The following UBXN2A variants were observed in gnomAD, a reference collection of about 807,000 sequenced individuals.
UBXN2A encodes the protein UBX domain protein 2A, also known as UBX domain-containing protein 2A.
Under a neutral mutation model 28.4 loss-of-function variants are expected in UBXN2A, and 28 were observed. The observed-to-expected ratio is 0.99, with a 90% CI of 0.73 to 1.35. The LOEUF is 1.35. Among genes scored for constraint, UBXN2A ranks in the 40% most tolerant of loss-of-function variants. The pLI is 0.00. For missense variants in UBXN2A, 253 were observed against 297.9 expected, an observed-to-expected ratio of 0.85 and a Z score of 1.11; for synonymous variants, 97 against 103.6, an observed-to-expected ratio of 0.94 and a Z score of 0.39.
chr2:23,944,040 A>G (rs878904919), intron 1 of UBXN2A: 7 of 570,392 alleles, frequency 1.2e-5, no homozygotes, highest in African/African-American at 7.5e-5. Context: ...GTGTCTTCCT[A>G]TGTCGATGTC....
At chr2:23,952,968 T>G (rs928988264) in intron 1 of UBXN2A, among the ~76,000 whole-genome samples, 2 of 110 alleles carry the variant, frequency 0.018, no homozygotes, top group African/African-American at 0.031. Flanking sequence ...TCTTAGTTGT[T>G]TTTTTTTTTT....
chr2:23,971,296 A>G lies in UBXN2A; in HGVS notation c.62A>G (p.Asp21Gly). The change falls in exon 3 of 7, where the codon GAT (aspartate) becomes GGT (glycine). Residue 21 changes from aspartate to glycine, a missense_variant. Transcript: ENST00000309033. ...TTTAGGGTTTGTGAAACAGGATCTG[A>G]TAATCAACCTCTTGGTAATAATCAA... The part of the protein sequence containing the change: ...KEEWVCETGS[D>G]NQPLGNNQQS... 1 of 1,567,720 alleles carries G rather than the reference A, an allele frequency of 6.4e-7. No homozygotes were observed. Among genetic ancestry groups the G allele is most frequent in the Non-Finnish European group, 8.7e-7 (1 of 1,147,148 alleles).
chr2:23,969,250 C>A (rs1290640291), intron 2 of UBXN2A, among the ~76,000 whole-genome samples: 3 of 152,070 alleles, frequency 2.0e-5, no homozygotes, highest in Non-Finnish European at 4.4e-5. Context: ...TATTAAACTA[C>A]TATAGGCTGG....
At position 23,971,310 on chromosome 2, in the gene UBXN2A, G is replaced by T; in HGVS notation, c.76G>T (p.Gly26Cys). The T allele has an allele frequency of 1.3e-6, 2 of 1,570,222 alleles. No individual in the cohort carries two copies. The highest frequency in any genetic ancestry group is 1.7e-6 in the Non-Finnish European group (2 of 1,148,784). Residue 26 changes from glycine to cysteine, a missense_variant, in exon 3 of 7, where the codon GGT becomes TGT. Transcript: ENST00000309033. ...CETGSDNQPL[G>C]NNQQSNCEYF... ...AACAGGATCTGATAATCAACCTCTTGGTAATAATCAACAATCAAATTGTGA... is the reference window on the plus strand; with the variant it reads ...AACAGGATCTGATAATCAACCTCTTTGTAATAATCAACAATCAAATTGTGA...
At chr2:23,982,672 T>C (rs1040335821) in intron 4 of UBXN2A, among the ~76,000 whole-genome samples, 2 of 152,136 alleles carry the variant, frequency 1.3e-5, no homozygotes, top group African/African-American at 4.8e-5. Context: ...TAATAAAAAC[T>C]GATGCTGTTC....
intron 6 of UBXN2A, among the ~76,000 whole-genome samples, chr2:23,995,902 A>G (rs185949042): frequency 6.6e-6 from 1 of 151,904 alleles, no homozygotes; most frequent in African/African-American, 2.4e-5. Flanking sequence ...TTTTTTATTT[A>G]TTTGTTTTTT....
chr2:23,960,264 A>C (rs1477295140), intron 2 of UBXN2A, among the ~76,000 whole-genome samples: 3 of 151,938 alleles, frequency 2.0e-5, no homozygotes, highest in African/African-American at 7.3e-5. Context: ...TCAAAAAAAA[A>C]CAAAAAAACA....
intron 6 of UBXN2A, among the ~76,000 whole-genome samples, chr2:23,992,174 G>T (rs942109639): frequency 4.6e-5 from 7 of 152,138 alleles, no homozygotes; most frequent in African/African-American, 1.7e-4. Flanking sequence ...GTTTCACCAT[G>T]TTGGCCAGGC....
intron 6 of UBXN2A, among the ~76,000 whole-genome samples, chr2:23,991,516 T>C (rs560115276): frequency 6.6e-6 from 1 of 152,294 alleles, no homozygotes; most frequent in Non-Finnish European, 1.5e-5. Flanking sequence ...TTGCCTAGGC[T>C]GGAGTGCAGT....
rs1211625161 is a variant in UBXN2A, at chr2:24,003,723, CCAAAAAAAAAAAA to C, written c.*3857_*3869del. The C allele has an allele frequency of 8.4e-6, 1 of 119,228 alleles. No homozygotes were observed. Among genetic ancestry groups the C allele is most frequent in the Non-Finnish European group, 1.8e-5 (1 of 56,462 alleles). 7.4% of individuals were successfully genotyped at this position (119,228 alleles called of 1,614,324 possible). On this transcript the variant is annotated 3_prime_UTR_variant, in exon 7 of 7. Coordinates refer to ENST00000309033, the MANE Select transcript of UBXN2A (RefSeq NM_181713.4). ...TAGTGAAACAAAAATAATGTTCTTA[CCAAAAAAAAAAAA>C]AAAAAAAAGAGGCAATGATAAAATC...
At chr2:23,988,175 T>C (rs1184491857) in intron 6 of UBXN2A, among the ~76,000 whole-genome samples, 1 of 151,168 alleles carries the variant, frequency 6.6e-6, no homozygotes, top group African/African-American at 2.4e-5. Context: ...CATTCAAGAG[T>C]TAGTGCCAGT....
chr2:23,938,199 C>T (rs1420383742), upstream of UBXN2A, among the ~76,000 whole-genome samples: 4 of 152,158 alleles, frequency 2.6e-5, no homozygotes, highest in Non-Finnish European at 4.4e-5. Context: ...GGTGTGTTGG[C>T]TCACACCTGT....
At chr2:23,987,135 G>A (rs1212013842) in intron 6 of UBXN2A, among the ~76,000 whole-genome samples, 1 of 151,888 alleles carries the variant, frequency 6.6e-6, no homozygotes, top group African/African-American at 2.4e-5. Flanking sequence ...ATTAAAAATA[G>A]AAACATGTCA....
chr2:23,981,476 TAAAAAAAAAAAAAAAAAA>T (rs55665209), intron 4 of UBXN2A, among the ~76,000 whole-genome samples: 3 of 28,912 alleles, frequency 1.0e-4, no homozygotes, highest in Admixed American at 1.4e-3. Flanking sequence ...AGCTCCTATC[TAAAAAAAAAAAAAAAAAA>T]AAAAAAAAAA....
chr2:23,988,950 T>G (rs1286956842), intron 6 of UBXN2A, among the ~76,000 whole-genome samples: 1 of 152,208 alleles, frequency 6.6e-6, no homozygotes, highest in Non-Finnish European at 1.5e-5. Flanking sequence ...GCACAAAATT[T>G]TTTTTCAAGT....
chr2:23,959,124 T>C (rs567456323), intron 2 of UBXN2A, among the ~76,000 whole-genome samples: 2 of 152,330 alleles, frequency 1.3e-5, no homozygotes, highest in South Asian at 4.1e-4. Flanking sequence ...TGAGCCACCA[T>C]GCTTGGCCTA....
At chr2:23,991,469 T>A (rs533143610) in intron 6 of UBXN2A, among the ~76,000 whole-genome samples, 2 of 151,960 alleles carry the variant, frequency 1.3e-5, no homozygotes, top group South Asian at 4.2e-4. Flanking sequence ...TCTGTCTTTT[T>A]TGTTTTGTTT....
intron 1 of UBXN2A, among the ~76,000 whole-genome samples, chr2:23,932,853 C>T (rs564498525): frequency 2.9e-4 from 44 of 152,342 alleles, no homozygotes; most frequent in African/African-American, 9.9e-4. Flanking sequence ...CGCCTGTAAT[C>T]CCAGACTTGG....
At chr2:23,952,388 G>A (rs148599403) in intron 1 of UBXN2A, among the ~76,000 whole-genome samples, 15 of 151,908 alleles carry the variant, frequency 9.9e-5, no homozygotes, top group Non-Finnish European at 1.6e-4. Flanking sequence ...CTCAGCCTCC[G>A]GAGTAGCTGG....
Sources: allele counts gnomAD v4.1 joint callset (sites outside exome capture counted in the v4.1 genomes callset), GRCh38; gene constraint gnomAD v4.1.1; transcripts MANE v1.5; gene names NCBI Gene and HGNC (gene_info 2026-07-23, HGNC 2026-07-21).